The following TMTC2 variants were observed in gnomAD, a reference collection of about 807,000 sequenced individuals.
TMTC2 encodes the protein transmembrane O-mannosyltransferase targeting cadherins 2.
In TMTC2, 43 loss-of-function variants were observed where a neutral mutation model predicts 82.4. That is an observed-to-expected ratio of 0.52 (90% confidence interval 0.41 to 0.67). TMTC2 has a LOEUF of 0.67. Among genes scored for constraint, TMTC2 ranks in the 30% least tolerant of loss-of-function variants. The pLI is 0.00. For synonymous variants in TMTC2, 408 were observed against 381.9 expected, an observed-to-expected ratio of 1.07 and a Z score of -0.80; for missense variants, 919 against 1,012.4, an observed-to-expected ratio of 0.91 and a Z score of 1.25.
rs970341510 is a variant in TMTC2 at position 82,766,304 on chromosome 12, C to A, written c.83+78635C>A. 3.3e-5 allele frequency among the ~76,000 whole-genome samples: 5 copies of A among 152,314 alleles called. 1 individual carries two copies. In the South Asian group the frequency reaches 8.3e-4, roughly 25 times the overall value. ...GCATACTCTTATCTGTGACTACATT[C>A]TTCCATTCCTAGGGAGAATTCCAAT... On this transcript the variant is annotated intron_variant, in intron 1 of 11. Transcript: ENST00000321196.
At chr12:82,698,324 A>G (rs1223092423) in intron 1 of TMTC2, among the ~76,000 whole-genome samples, 1 of 152,226 alleles carries the variant, frequency 6.6e-6, no homozygotes, top group East Asian at 1.9e-4. Flanking sequence ...CTAGCTAAGT[A>G]CTTGAGCTGC....
intron 1 of TMTC2, among the ~76,000 whole-genome samples, chr12:82,807,623 A>G (rs1474555848): frequency 1.3e-5 from 2 of 152,112 alleles, no homozygotes. Flanking sequence ...GGAATTATAT[A>G]TGGTCTTTGA....
chr12:82,871,950 CA>C (rs1872203219), intron 2 of TMTC2, among the ~76,000 whole-genome samples: 1 of 151,330 alleles, frequency 6.6e-6, no homozygotes, highest in Admixed American at 6.6e-5. Flanking sequence ...AACCATTCTC[CA>C]GATAATTTGT....
intron 8 of TMTC2, among the ~76,000 whole-genome samples, chr12:83,006,874 T>C (rs1349871746): frequency 6.6e-6 from 1 of 152,126 alleles, no homozygotes; most frequent in Non-Finnish European, 1.5e-5. Flanking sequence ...CACTGCATGT[T>C]CGTTCTCACT....
At chr12:83,006,192 G>C (rs937992029) in intron 8 of TMTC2, among the ~76,000 whole-genome samples, 2 of 152,056 alleles carry the variant, frequency 1.3e-5, no homozygotes, top group South Asian at 4.2e-4. Flanking sequence ...CCTGTAGGTC[G>C]GCCATCCCAT....
Position 82,963,810 on chromosome 12 carries a change from T to C in TMTC2, c.1599-1214T>C, listed in dbSNP as rs1244765518. ...AGATTTTCATATATATATATATATATATATATATATATATATATATATATA... is the reference window on the plus strand; with the variant it reads ...AGATTTTCATATATATATATATATACATATATATATATATATATATATATA... On this transcript the variant is annotated intron_variant, in intron 4 of 11. Transcript: ENST00000321196. 6.2e-3 allele frequency among the ~76,000 whole-genome samples: 445 copies of C among 72,260 alleles called. 39 individuals are homozygous for C. Among genetic ancestry groups the C allele is most frequent in the African/African-American group, 0.02 (240 of 12,276 alleles). The allele number at this position is 72,260 out of a possible 152,430, so 47.4% of individuals were successfully genotyped here.
At chr12:83,046,058 T>C (rs1882113357) in intron 9 of TMTC2, among the ~76,000 whole-genome samples, 1 of 152,144 alleles carries the variant, frequency 6.6e-6, no homozygotes, top group Non-Finnish European at 1.5e-5. Context: ...ATTACTGTTC[T>C]AAAGCTTTTT....
intron 5 of TMTC2, 112 bp downstream of exon 5, chr12:82,965,221 G>T: frequency 3.9e-6 from 3 of 766,714 alleles, no homozygotes; most frequent in Admixed American, 2.6e-5. Flanking sequence ...CTGAATACTC[G>T]CTAATCAGAT....
At chr12:83,042,977 G>T (rs925111430) in intron 9 of TMTC2, among the ~76,000 whole-genome samples, 1 of 152,092 alleles carries the variant, frequency 6.6e-6, no homozygotes, top group African/African-American at 2.4e-5. Flanking sequence ...TGTTTTCTTG[G>T]CCGGTAACTG....
intron 9 of TMTC2, among the ~76,000 whole-genome samples, chr12:83,041,575 C>T (rs1410962945): frequency 1.3e-5 from 2 of 151,378 alleles, no homozygotes; most frequent in Non-Finnish European, 2.9e-5. Context: ...AATAAAGGGA[C>T]AAATTAAGGG....
intron 1 of TMTC2, among the ~76,000 whole-genome samples, chr12:82,791,901 A>G (rs1203101379): frequency 6.6e-6 from 1 of 152,038 alleles, no homozygotes; most frequent in Non-Finnish European, 1.5e-5. Context: ...CTTATGCTAT[A>G]TCTTCATTGC....
chr12:83,120,229 A>AT, intron 11 of TMTC2, among the ~76,000 whole-genome samples: 1 of 151,988 alleles, frequency 6.6e-6, no homozygotes, highest in East Asian at 1.9e-4. Flanking sequence ...TTTAACTTGT[A>AT]TTTTTGTTTT....
intron 2 of TMTC2, among the ~76,000 whole-genome samples, chr12:82,891,827 T>C (rs1665590587): frequency 6.6e-6 from 1 of 152,210 alleles, no homozygotes; most frequent in Non-Finnish European, 1.5e-5. Context: ...TCTTCTACTT[T>C]AAACATTTTA....
chr12:82,835,774 G>A (rs1023490634), intron 1 of TMTC2, among the ~76,000 whole-genome samples: 2 of 152,154 alleles, frequency 1.3e-5, no homozygotes, highest in African/African-American at 4.8e-5. Flanking sequence ...ATTGCAGTTG[G>A]TAAATCGCTG....
At chr12:82,882,535 G>A (rs1454247006) in intron 2 of TMTC2, among the ~76,000 whole-genome samples, 1 of 152,070 alleles carries the variant, frequency 6.6e-6, no homozygotes, top group Non-Finnish European at 1.5e-5. Flanking sequence ...GGGGTGAGGG[G>A]AAGAGGATGA....
intron 8 of TMTC2, among the ~76,000 whole-genome samples, chr12:83,003,216 T>C (rs1450640308): frequency 6.6e-6 from 1 of 152,188 alleles, no homozygotes; most frequent in East Asian, 1.9e-4. Context: ...ACGTCTGTTT[T>C]ATCTGATATG....
At chr12:82,733,912 A>C (rs936219431) in intron 1 of TMTC2, among the ~76,000 whole-genome samples, 3 of 152,218 alleles carry the variant, frequency 2.0e-5, no homozygotes, top group African/African-American at 4.8e-5. Context: ...ACGAAAAAGC[A>C]AGATTTAGCT....
intron 1 of TMTC2, among the ~76,000 whole-genome samples, chr12:82,852,383 A>T (rs1203029410): frequency 6.6e-6 from 1 of 152,146 alleles, no homozygotes; most frequent in Non-Finnish European, 1.5e-5. Context: ...CTGTGATTAC[A>T]GGCGTGAGCC....
At chr12:82,918,175 AC>A (rs36018087) in intron 3 of TMTC2, among the ~76,000 whole-genome samples, 4 of 151,676 alleles carry the variant, frequency 2.6e-5, no homozygotes, top group Admixed American at 2.6e-4. Flanking sequence ...CTCCCAAAGT[AC>A]TAGATTATAG....
Sources: gnomAD v4.1 joint callset for allele counts (sites outside exome capture counted in the v4.1 genomes callset) on GRCh38, gnomAD v4.1.1 for gene constraint, MANE v1.5 for transcripts, NCBI Gene and HGNC (gene_info 2026-07-23, HGNC 2026-07-21) for gene names.